MYO15A: variants seen among roughly 807,000 people sequenced by gnomAD.
MYO15A encodes unconventional myosin-XV.
In MYO15A, 308 loss-of-function variants were observed where a neutral mutation model predicts 394.6. The observed-to-expected ratio is 0.78, with a 90% CI of 0.71 to 0.86. The LOEUF is 0.86. Among genes scored for constraint, MYO15A ranks in the 40% least tolerant of loss-of-function variants. The probability of loss-of-function intolerance (pLI) is 0.00; values close to 1 mark genes in which losing one functional copy is unlikely to be tolerated. For synonymous variants in MYO15A, 1,957 were observed against 2,003.8 expected, an observed-to-expected ratio of 0.98 and a Z score of 0.62; for missense variants, 4,606 against 4,799.1, an observed-to-expected ratio of 0.96 and a Z score of 1.19.
intron 9 of MYO15A, 60 bp downstream of exon 9, chr17:18,131,402 C>A: frequency 6.2e-7 from 1 of 1,612,798 alleles, no homozygotes; most frequent in Admixed American, 1.7e-5. Flanking sequence ...TGTCCTGCCA[C>A]AGCCCCTCGG....
chr17:18,150,605 T>G lies in MYO15A; in HGVS notation c.7327+62T>G, dbSNP rs532514766. 849 of 1,610,890 alleles carry G rather than the reference T, an allele frequency of 5.3e-4. 2 individuals carry two copies. In the African/African-American group the frequency reaches 9.3e-3, roughly 18 times the overall value. Reference sequence around the variant, plus strand: ...GGGCCAGAGCCACTTGCTGGTGTGCTAGAATGGAGGCAGCCACAGCATGAT... The same window carrying G: ...GGGCCAGAGCCACTTGCTGGTGTGCGAGAATGGAGGCAGCCACAGCATGAT... On this transcript the variant is annotated intron_variant, in intron 36 of 65. Coordinates refer to ENST00000647165, the MANE Select transcript of MYO15A (RefSeq NM_016239.4). This position sits in a 1 kb window ranked among gnomAD's most constrained non-coding sequence, Gnocchi z 4.4.
In MYO15A at chr17:18,161,359, C is replaced by G; in HGVS notation, c.9429C>G (p.Thr3143=). 6.2e-7 allele frequency: 1 copy of G among 1,614,070 alleles called. No homozygotes were observed. Among genetic ancestry groups the G allele is most frequent in the South Asian group, 1.1e-5 (1 of 91,080 alleles). Residue 3143 remains threonine (T), a synonymous_variant, in exon 57 of 66, where the codon ACC becomes ACG. Coordinates refer to ENST00000647165, the MANE Select transcript of MYO15A (RefSeq NM_016239.4). The part of the protein sequence containing the change: ...QRGWRLLYIV[T]AYHSCSEVLH... ...GCTGGAGGCTGCTGTATATCGTGAC[C>G]GCCTACCACAGCTGCTCTGAGGTCC...
intron 28 of MYO15A, 75 bp from the exon 29 acceptor site, chr17:18,144,422 G>C: frequency 7.5e-7 from 1 of 1,339,188 alleles, no homozygotes; most frequent in Non-Finnish European, 1.1e-6. Flanking sequence ...GGAGCCCCAT[G>C]TGGCACAGAG....
chr17:18,142,625 T>A (rs2046402181), intron 24 of MYO15A, 131 bp from the exon 25 acceptor site: 7 of 791,406 alleles, frequency 8.8e-6, no homozygotes, highest in Non-Finnish European at 1.5e-5. Context: ...AGTTTCCCTT[T>A]GAGCCAAAGG....
Position 18,120,621 on chromosome 17 carries a change from C to T in MYO15A, c.1821C>T (p.Tyr607=), listed in dbSNP as rs756457084. The T allele has an allele frequency of 6.3e-7, 1 of 1,597,424 alleles. No individual in the cohort carries two copies. The highest frequency in any genetic ancestry group is 8.5e-7 in the Non-Finnish European group (1 of 1,174,482). The change falls in exon 2 of 66, where the codon TAC becomes TAT. Residue 607 remains tyrosine, a synonymous_variant. Coordinates refer to ENST00000647165, the MANE Select transcript of MYO15A (RefSeq NM_016239.4). ...AGGPAVREAA[Y]KRFGYKLAGM... Reference sequence around the variant, plus strand: ...GCCCTGCTGTCAGGGAGGCGGCCTACAAACGCTTCGGCTACAAGCTGGCTG... The same window carrying T: ...GCCCTGCTGTCAGGGAGGCGGCCTATAAACGCTTCGGCTACAAGCTGGCTG...
rs2045882987 is a variant in MYO15A, at chr17:18,120,093, C to T, written c.1293C>T (p.Asp431=). The change falls in exon 2 of 66, where the codon GAC becomes GAT. Residue 431 remains aspartate (D), a synonymous_variant. Coordinates refer to ENST00000647165, the MANE Select transcript of MYO15A (RefSeq NM_016239.4). ...PHNPYAHAMD[D]IAELEEPEDA... ...ACCCGTATGCCCACGCCATGGATGA[C>T]ATCGCCGAGCTGGAGGAACCAGAGG... The T allele has an allele frequency of 6.2e-7, 1 of 1,612,430 alleles. No individual in the cohort carries two copies. Among genetic ancestry groups the T allele is most frequent in the Non-Finnish European group, 8.5e-7 (1 of 1,179,418 alleles).
chr17:18,113,344 G>A (rs981177243), intron 1 of MYO15A, among the ~76,000 whole-genome samples: 2 of 152,200 alleles, frequency 1.3e-5, no homozygotes, highest in Admixed American at 6.5e-5. Flanking sequence ...ACAGGGTCTC[G>A]TTATATTGCC....
rs1160940008 is a variant in MYO15A, at chr17:18,158,953, C to G, written c.9112C>G (p.Pro3038Ala). The G allele has an allele frequency of 6.2e-7, 1 of 1,614,146 alleles. No individual in the cohort carries two copies. Among genetic ancestry groups the G allele is most frequent in the South Asian group, 1.1e-5 (1 of 91,080 alleles). Residue 3038 changes from proline to alanine, a missense_variant, in exon 53 of 66, where the codon CCT becomes GCT. Pro to Ala is a conservative substitution (Grantham distance 27). Around this residue, in one of 2 missense-constraint regions of MYO15A, gnomAD observed 2,776 missense variants for 3,109.3 expected, o/e 0.89. Transcript: ENST00000647165. ...TGGCCTCAGGCTGAAATCCAAGGAG[C>G]CTCGGGAGTCCAGAACCTTGGAGGA... ...QDGLRLKSKEPRESRTLEDML... is the reference protein window; with the variant it reads ...QDGLRLKSKEARESRTLEDML...
At chr17:18,158,229 C>T in intron 51 of MYO15A, 1 of 586,378 alleles carries the variant, frequency 1.7e-6, no homozygotes, top group Non-Finnish European at 3.0e-6. Flanking sequence ...GGTGAGTGGG[C>T]GGCTTGTGGA....
chr17:18,146,104 T>C lies in MYO15A; in HGVS notation c.6506T>C (p.Leu2169Pro). 6.2e-7 allele frequency: 1 copy of C among 1,613,730 alleles called. No homozygotes were observed. Among genetic ancestry groups the C allele is most frequent in the Non-Finnish European group, 8.5e-7 (1 of 1,179,956 alleles). The change falls in exon 30 of 66, where the codon CTC (leucine) becomes CCC (proline). Residue 2169 changes from leucine to proline, a missense_variant. Physicochemically the swap from Leu to Pro is moderately conservative, Grantham distance 98. Coordinates refer to ENST00000647165, the MANE Select transcript of MYO15A (RefSeq NM_016239.4). ...TCCCCGTGCTTCAACAAGTACCTTC[T>C]CAAGTGAGTGGGACTGGATAGGGGC... ...APSPCFNKYLLKFVSDYGRNG... is the reference protein window; with the variant it reads ...APSPCFNKYLPKFVSDYGRNG...
rs1212095680 is a variant in MYO15A, at chr17:18,120,462, C to T, written c.1662C>T (p.Gly554=). The change falls in exon 2 of 66, where the codon GGC becomes GGT. Residue 554 remains glycine (G), a synonymous_variant. Transcript: ENST00000647165. The part of the protein sequence containing the change: ...RALSAFGAHR[G]LGFGPEFGRP... ...TGTCGGCCTTCGGCGCCCACCGGGG[C>T]CTGGGCTTCGGCCCTGAGTTTGGCC... 1.9e-6 allele frequency: 3 copies of T among 1,575,654 alleles called. No individual in the cohort carries two copies. Among genetic ancestry groups the T allele is most frequent in the African/African-American group, 1.3e-5 (1 of 74,164 alleles).
chr17:18,121,563 T>G lies in MYO15A; in HGVS notation c.2763T>G (p.Thr921=), dbSNP rs1426264346. Reference sequence around the variant, plus strand: ...CCGAGGACTCAGAGACGCCCTGGACTGTGCCCCCACTGGCCCCCAGCTGGG... The same window carrying G: ...CCGAGGACTCAGAGACGCCCTGGACGGTGCCCCCACTGGCCCCCAGCTGGG... The part of the protein sequence containing the change: ...REPEDSETPW[T]VPPLAPSWDV... Residue 921 remains threonine, a synonymous_variant, in exon 2 of 66, where the codon ACT becomes ACG. Transcript: ENST00000647165. This position sits in a 1 kb window ranked among gnomAD's most constrained non-coding sequence, Gnocchi z 5.3. The G allele has an allele frequency of 1.3e-6, 2 of 1,589,870 alleles. No homozygotes were observed. The highest frequency in any genetic ancestry group is 8.6e-7 in the Non-Finnish European group (1 of 1,168,764).
rs563318623 is a variant in MYO15A, at chr17:18,148,490, C to G, written c.6692-6C>G. 6.4e-7 allele frequency: 1 copy of G among 1,552,058 alleles called. No homozygotes were observed. The highest frequency in any genetic ancestry group is 1.4e-5 in the African/African-American group (1 of 73,160). The stretch of plus-strand genomic sequence containing the variant: ...CAACCTGAGCCCGGCACCTGCTGCG[C>G]CCCAGGTGACCAGTTCTCCTGCCCG... On this transcript the variant is annotated splice_polypyrimidine_tract_variant and splice_region_variant and intron_variant, in intron 31 of 65. Transcript: ENST00000647165. This position sits in a 1 kb window ranked among gnomAD's most constrained non-coding sequence, Gnocchi z 4.8.
chr17:18,163,511 C>G (rs938736593), intron 59 of MYO15A, among the ~76,000 whole-genome samples, 190 bp downstream of exon 59: 2 of 152,250 alleles, frequency 1.3e-5, no homozygotes, highest in African/African-American at 4.8e-5. Flanking sequence ...GCCTCTGGCT[C>G]AGGGTCATCC....
chr17:18,119,229 C>G lies in MYO15A; in HGVS notation c.429C>G (p.Leu143=). The stretch of plus-strand genomic sequence containing the variant: ...ACTGGCTCACAAAAAAGTTCCTCCT[C>G]AAGAAGGCCGAGGAGTCGGGCAGCG... ...AINWLTKKFL[L]KKAEESGSEQ... The change falls in exon 2 of 66, where the codon CTC becomes CTG. Residue 143 remains leucine, a synonymous_variant. Transcript: ENST00000647165. The G allele has an allele frequency of 6.2e-7, 1 of 1,612,496 alleles. No homozygotes were observed. The highest frequency in any genetic ancestry group is 8.5e-7 in the Non-Finnish European group (1 of 1,179,904).
At position 18,150,313 on chromosome 17, in the gene MYO15A, G is replaced by C; in HGVS notation, c.7213-116G>C. 1 of 893,624 alleles carries C rather than the reference G, an allele frequency of 1.1e-6. No homozygotes were observed. Among genetic ancestry groups the C allele is most frequent in the South Asian group, 1.4e-5 (1 of 72,798 alleles). The allele number at this position is 893,624 out of a possible 1,614,324, so 55.4% of individuals were successfully genotyped here. A position where few individuals can be genotyped will look rare whatever the true frequency, so the allele number is the denominator to read the frequency against. On this transcript the variant is annotated intron_variant, in intron 35 of 65. Transcript: ENST00000647165. The surrounding 1 kb of genome is among the most constrained non-coding windows in gnomAD (Gnocchi z 4.4). ...GCATACAGCAGACACTGAGCCAGTG[G>C]GAGGCTGCCCCCTCCCACGAGAGGG...
At position 18,179,161 on chromosome 17, in the gene MYO15A, C is replaced by T. The variant is rs559490390; in HGVS notation, c.*291C>T. ...GGACCATGAGGCCTCCTGCCATGTA[C>T]CCATTGCAGACCCTGCCCCTAACTC... On this transcript the variant is annotated 3_prime_UTR_variant, in exon 66 of 66. Transcript: ENST00000647165. The T allele has an allele frequency of 1.0e-4, 53 of 514,954 alleles. No homozygotes were observed. In the South Asian group the frequency reaches 1.0e-3, roughly 10 times the overall value. The allele number at this position is 514,954 out of a possible 1,614,324, so 31.9% of individuals were successfully genotyped here.
Position 18,120,626 on chromosome 17 carries a change from G to T in MYO15A, c.1826G>T (p.Arg609Leu). The T allele has an allele frequency of 6.3e-7, 1 of 1,597,062 alleles. No individual in the cohort carries two copies. The change falls in exon 2 of 66, where the codon CGC becomes CTC. Residue 609 changes from arginine (R) to leucine (L), a missense_variant. Physicochemically the swap from Arg to Leu is moderately radical, Grantham distance 102. This residue lies in a region of MYO15A where 1,830 missense variants were observed against 1,689.7 expected (regional missense o/e 1.08). Coordinates refer to ENST00000647165, the MANE Select transcript of MYO15A (RefSeq NM_016239.4). ...GPAVREAAYK[R>L]FGYKLAGMDP... ...GCTGTCAGGGAGGCGGCCTACAAAC[G>T]CTTCGGCTACAAGCTGGCTGGCATG...
chr17:18,110,928 C>T (rs1215293893), intron 1 of MYO15A, among the ~76,000 whole-genome samples: 1 of 152,240 alleles, frequency 6.6e-6, no homozygotes, highest in East Asian at 1.9e-4. Context: ...TCCTTCAGAT[C>T]TTGGCTCAGG....
Sources: allele counts gnomAD v4.1 joint callset (sites outside exome capture counted in the v4.1 genomes callset), GRCh38; gene constraint gnomAD v4.1.1; regional missense constraint gnomAD v4.1.1; non-coding constraint Gnocchi (gnomAD v3.1); transcripts MANE v1.5; gene names NCBI Gene and HGNC (gene_info 2026-07-23, HGNC 2026-07-21).